The following BLMH variants were observed in gnomAD, a reference collection of about 807,000 sequenced individuals.
BLMH encodes the protein BLM hydrolase.
A neutral mutation model predicts 61.6 loss-of-function variants in BLMH; 32 were observed. That is an observed-to-expected ratio of 0.52 (90% confidence interval 0.39 to 0.70). The LOEUF (loss-of-function observed/expected upper bound fraction) is 0.70, where lower values mean the gene tolerates loss of function less well. Ranked by LOEUF, BLMH falls within the 30% of genes least tolerant of loss-of-function variation. The probability of loss-of-function intolerance (pLI) is 0.00; values close to 1 mark genes in which losing one functional copy is unlikely to be tolerated. For missense variants in BLMH, 460 were observed against 555.5 expected (o/e 0.83, Z 1.73); for synonymous variants, 183 against 193.8 (o/e 0.94, Z 0.46).
chr17:30,260,456 T>C (rs1016953188), intron 11 of BLMH, among the ~76,000 whole-genome samples: 3 of 152,220 alleles, frequency 2.0e-5, no homozygotes, highest in African/African-American at 7.2e-5. Flanking sequence ...AGCCCTCTCT[T>C]AGTCACACAC....
intron 7 of BLMH, chr17:30,273,290 C>T (rs1908329506): frequency 5.9e-6 from 1 of 169,922 alleles, no homozygotes; most frequent in East Asian, 1.7e-4. Context: ...CTTCAGCCTC[C>T]CAAGTAGCTG....
intron 6 of BLMH, among the ~76,000 whole-genome samples, chr17:30,282,360 G>T (rs898907141): frequency 6.6e-6 from 1 of 151,924 alleles, no homozygotes; most frequent in Non-Finnish European, 1.5e-5. Flanking sequence ...GGCATTATAG[G>T]CATGCACCAC....
chr17:30,286,935 G>A (rs201565816), intron 4 of BLMH, 33 bp from the exon 5 acceptor site: 95 of 1,423,330 alleles, frequency 6.7e-5, no homozygotes, highest in Non-Finnish European at 4.2e-5. Flanking sequence ...GTTAAAGAAG[G>A]TAAAAAATTA....
At chr17:30,285,018 C>G in intron 6 of BLMH, among the ~76,000 whole-genome samples, 1 of 152,312 alleles carries the variant, frequency 6.6e-6, no homozygotes, top group South Asian at 2.1e-4. Flanking sequence ...ACACATCTAG[C>G]ATAGGATTTA....
At chr17:30,260,790 C>T (rs989358503) in intron 11 of BLMH, among the ~76,000 whole-genome samples, 9 of 151,956 alleles carry the variant, frequency 5.9e-5, no homozygotes, top group Non-Finnish European at 1.0e-4. Context: ...GGCTGAGACA[C>T]GAGAATCGCT....
chr17:30,270,129 AT>A (rs1908227132), intron 10 of BLMH, among the ~76,000 whole-genome samples: 2 of 152,204 alleles, frequency 1.3e-5, no homozygotes, highest in Admixed American at 1.3e-4. Flanking sequence ...ATGTGGCATA[AT>A]GATATGCTAA....
intron 2 of BLMH, 23 bp from the exon 3 acceptor site, chr17:30,289,505 G>T: frequency 6.4e-7 from 1 of 1,558,778 alleles, no homozygotes; most frequent in South Asian, 1.2e-5. Context: ...AGCACATCAA[G>T]AAATTATGAG....
At chr17:30,287,487 T>C (rs895289362) in intron 4 of BLMH, among the ~76,000 whole-genome samples, 3 of 152,214 alleles carry the variant, frequency 2.0e-5, no homozygotes, top group Non-Finnish European at 4.4e-5. Flanking sequence ...TTTGAAGACA[T>C]TTTAACACAG....
At chr17:30,280,367 T>C (rs935770273) in intron 6 of BLMH, among the ~76,000 whole-genome samples, 1 of 152,204 alleles carries the variant, frequency 6.6e-6, no homozygotes, top group Non-Finnish European at 1.5e-5. Context: ...CATTTGTATT[T>C]GCAATACTGG....
At position 30,272,847 on chromosome 17, in the gene BLMH, G is replaced by C; in HGVS notation, c.854C>G (p.Thr285Arg). 1.9e-6 allele frequency: 3 copies of C among 1,614,108 alleles called. No homozygotes were observed. Among genetic ancestry groups the C allele is most frequent in the Non-Finnish European group, 2.5e-6 (3 of 1,180,010 alleles). ...RPQHKYNKLY[T>R]VEYLSNMVGG... The stretch of plus-strand genomic sequence containing the variant: ...AACCATATTGCTTAAGTATTCCACT[G>C]TGTAAAGTTTGTTGTACTTGTGCTG... The change falls in exon 8 of 12, where the codon ACA (threonine) becomes AGA (arginine). Residue 285 changes from threonine (T) to arginine (R), a missense_variant. Thr to Arg is a moderately conservative substitution (Grantham distance 71). Around this residue, in one of 5 missense-constraint regions of BLMH, gnomAD observed 310 missense variants for 371.1 expected, o/e 0.84. Coordinates refer to ENST00000261714, the MANE Select transcript of BLMH (RefSeq NM_000386.4).
Position 30,249,071 on chromosome 17 carries a change from C to A in BLMH, c.1314G>T (p.Glu438Asp). The change falls in exon 12 of 12, where the codon GAG becomes GAT. Residue 438 changes from glutamate to aspartate, a missense_variant. This residue lies in a region of BLMH where 310 missense variants were observed against 371.1 expected (regional missense o/e 0.84). Coordinates refer to ENST00000261714, the MANE Select transcript of BLMH (RefSeq NM_000386.4). ...HVPEEVLAVL[E>D]QEPIILPAWD... Reference sequence around the variant, plus strand: ...ATGCTGGCAGGATAATGGGTTCCTGCTCTAACACAGCTAGCACCTCTTCAG... The same window carrying A: ...ATGCTGGCAGGATAATGGGTTCCTGATCTAACACAGCTAGCACCTCTTCAG... The A allele has an allele frequency of 6.2e-7, 1 of 1,614,124 alleles. No homozygotes were observed. Among genetic ancestry groups the A allele is most frequent in the Non-Finnish European group, 8.5e-7 (1 of 1,179,986 alleles).
intron 9 of BLMH, 131 bp from the exon 10 acceptor site, chr17:30,271,519 C>T (rs1303777427): frequency 3.1e-6 from 2 of 653,364 alleles, no homozygotes; most frequent in Admixed American, 2.5e-5. Context: ...CTAGCTGTAG[C>T]TCTTCAGAAA....
At chr17:30,287,127 C>A (rs1168255806) in intron 4 of BLMH, among the ~76,000 whole-genome samples, 1 of 152,098 alleles carries the variant, frequency 6.6e-6, no homozygotes, top group Non-Finnish European at 1.5e-5. Flanking sequence ...CCCACTGCAG[C>A]CTTGAACTCC....
intron 11 of BLMH, among the ~76,000 whole-genome samples, chr17:30,263,637 C>G (rs992680614): frequency 1.3e-5 from 2 of 152,322 alleles, no homozygotes; most frequent in Non-Finnish European, 1.5e-5. Context: ...TTTATGTCCT[C>G]CTGCTCAGAA....
In BLMH at chr17:30,248,778, G is replaced by A. The variant is rs1907593103; in HGVS notation, c.*239C>T. 1 of 479,614 alleles carries A rather than the reference G, an allele frequency of 2.1e-6. No individual in the cohort carries two copies. Among genetic ancestry groups the A allele is most frequent in the Admixed American group, 3.7e-5 (1 of 27,218 alleles). The allele number at this position is 479,614 out of a possible 1,614,324, so 29.7% of individuals were successfully genotyped here. A position where few individuals can be genotyped will look rare whatever the true frequency, so the allele number is the denominator to read the frequency against. ...TTAAAATGCTAAGAGATCCTGAGCTGTTAGAGATGAGGAGAGTAGATAGTA... is the reference window on the plus strand; with the variant it reads ...TTAAAATGCTAAGAGATCCTGAGCTATTAGAGATGAGGAGAGTAGATAGTA... On this transcript the variant is annotated 3_prime_UTR_variant, in exon 12 of 12. Transcript: ENST00000261714.
At chr17:30,265,365 C>G (rs926681219) in intron 11 of BLMH, among the ~76,000 whole-genome samples, 3 of 152,108 alleles carry the variant, frequency 2.0e-5, no homozygotes, top group Non-Finnish European at 4.4e-5. Context: ...TCTAAAACAG[C>G]AATTTTTCAA....
intron 9 of BLMH, 77 bp downstream of exon 9, chr17:30,272,484 A>C: frequency 6.6e-7 from 1 of 1,519,002 alleles, no homozygotes. Flanking sequence ...ACCTCGGCAG[A>C]GTCATTTTGT....
intron 11 of BLMH, among the ~76,000 whole-genome samples, chr17:30,254,036 A>C (rs1907746399): frequency 6.6e-6 from 1 of 152,354 alleles, no homozygotes; most frequent in African/African-American, 2.4e-5. Flanking sequence ...AAGGGAAAAA[A>C]GACGCTTTAC....
intron 11 of BLMH, 102 bp downstream of exon 11, chr17:30,266,783 C>T: frequency 9.5e-7 from 1 of 1,047,784 alleles, no homozygotes; most frequent in East Asian, 2.4e-5. Flanking sequence ...TCAGTGGAGC[C>T]AATTACTGAG....
Sources: allele counts gnomAD v4.1 joint callset (sites outside exome capture counted in the v4.1 genomes callset), GRCh38; gene constraint gnomAD v4.1.1; regional missense constraint gnomAD v4.1.1; transcripts MANE v1.5; gene names NCBI Gene and HGNC (gene_info 2026-07-23, HGNC 2026-07-21).